MARCHF7: variants seen among roughly 807,000 people sequenced by gnomAD.
MARCHF7 encodes E3 ubiquitin-protein ligase MARCHF7.
A neutral mutation model predicts 76.5 loss-of-function variants in MARCHF7; 20 were observed. That is an observed-to-expected ratio of 0.26 (90% confidence interval 0.18 to 0.38). The LOEUF (loss-of-function observed/expected upper bound fraction) is 0.38. Among genes scored for constraint, MARCHF7 ranks in the 10% least tolerant of loss-of-function variants. MARCHF7 has a pLI of 1.00. For synonymous variants in MARCHF7, 295 were observed against 293.0 expected (o/e 1.01, Z -0.07); for missense variants, 797 against 812.9 (o/e 0.98, Z 0.24).
intron 4 of MARCHF7, among the ~76,000 whole-genome samples, chr2:159,739,056 G>A (rs1322871945): frequency 1.3e-5 from 2 of 152,194 alleles, no homozygotes; most frequent in Admixed American, 6.5e-5. Flanking sequence ...CACCTGGATC[G>A]TGACAGTGCC....
rs866701125 is a variant in MARCHF7 at position 159,767,669 on chromosome 2, T to C, written c.*327T>C. On this transcript the variant is annotated 3_prime_UTR_variant, in exon 12 of 12. Transcript: ENST00000409175. Reference sequence around the variant, plus strand: ...CAACCCTTTTTTGTGTTATGATTACTGTAGTCATATTTATGAAAAAAGGTT... The same window carrying C: ...CAACCCTTTTTTGTGTTATGATTACCGTAGTCATATTTATGAAAAAAGGTT... 20 of 172,342 alleles carry C rather than the reference T, an allele frequency of 1.2e-4. 1 individual carries two copies. The highest frequency in any genetic ancestry group is 8.8e-4 in the Admixed American group (14 of 15,866). The allele number at this position is 172,342 out of a possible 1,614,324, so 10.7% of individuals were successfully genotyped here. A position where few individuals can be genotyped will look rare whatever the true frequency, so the allele number is the denominator to read the frequency against.
At chr2:159,713,803 A>G (rs1359679247) in intron 1 of MARCHF7, among the ~76,000 whole-genome samples, 2 of 152,172 alleles carry the variant, frequency 1.3e-5, no homozygotes, top group Admixed American at 6.5e-5. Context: ...GATTTTTGCC[A>G]TAGTTATTTA....
At chr2:159,732,581 T>A (rs1251617191) in intron 4 of MARCHF7, among the ~76,000 whole-genome samples, 1 of 152,210 alleles carries the variant, frequency 6.6e-6, no homozygotes, top group Admixed American at 6.5e-5. Flanking sequence ...TGAGCAATCA[T>A]GACTCGGCGC....
In MARCHF7 at chr2:159,747,871, T is replaced by C. The variant is rs761848688; in HGVS notation, c.581T>C (p.Leu194Ser). The C allele has an allele frequency of 2.6e-5, 42 of 1,613,894 alleles. No homozygotes were observed. In the African/African-American group the frequency reaches 4.7e-4, roughly 18 times the overall value. Residue 194 changes from leucine (L) to serine (S), a missense_variant, in exon 7 of 12, where the codon TTA becomes TCA. Leu to Ser is a moderately radical substitution (Grantham distance 145). Coordinates refer to ENST00000409175, the MANE Select transcript of MARCHF7 (RefSeq NM_001282805.2). Reference sequence around the variant, plus strand: ...CCAAAAGAAAACTCAATGAGCACTTTACAGTTGAATACATCATCCACAAAC... The same window carrying C: ...CCAAAAGAAAACTCAATGAGCACTTCACAGTTGAATACATCATCCACAAAC... ...ARPKENSMST[L>S]QLNTSSTNHQ...
chr2:159,725,135 G>A (rs2125354486), intron 3 of MARCHF7, among the ~76,000 whole-genome samples: 1 of 152,278 alleles, frequency 6.6e-6, no homozygotes, highest in Non-Finnish European at 1.5e-5. Context: ...TAGTGCCACA[G>A]TAAACATACT....
chr2:159,759,242 T>A lies in MARCHF7; in HGVS notation c.1800T>A (p.Ala600=). 2 of 1,597,492 alleles carry A rather than the reference T, an allele frequency of 1.3e-6. No individual in the cohort carries two copies. Among genetic ancestry groups the A allele is most frequent in the Non-Finnish European group, 1.7e-6 (2 of 1,171,538 alleles). ...AKINSGSSLE[A]VTTCELCKEK... ...TTTTACCAGGTTCTTCATTAGAAGC[T>A]GTAACCACCTGTGAACTATGTAAAG... Residue 600 remains alanine (A), a synonymous_variant, in exon 9 of 12, where the codon GCT becomes GCA. Transcript: ENST00000409175.
At chr2:159,760,486 CT>C (rs1403022922) in intron 9 of MARCHF7, among the ~76,000 whole-genome samples, 1 of 152,154 alleles carries the variant, frequency 6.6e-6, no homozygotes, top group Non-Finnish European at 1.5e-5. Flanking sequence ...AAGAAAATCA[CT>C]TTCAGCAATG....
chr2:159,756,019 G>A (rs1706249572), intron 8 of MARCHF7, among the ~76,000 whole-genome samples: 1 of 152,192 alleles, frequency 6.6e-6, no homozygotes, highest in African/African-American at 2.4e-5. Flanking sequence ...CCTTTTCTCT[G>A]AGCTATATGG....
At position 159,748,541 on chromosome 2, in the gene MARCHF7, A is replaced by G; in HGVS notation, c.1251A>G (p.Thr417=). The G allele has an allele frequency of 9.9e-6, 16 of 1,614,202 alleles. No homozygotes were observed. The highest frequency in any genetic ancestry group is 1.4e-5 in the Non-Finnish European group (16 of 1,180,018). Reference sequence around the variant, plus strand: ...CTTCAAGGATACCTACCTCTGATACATCATCTAGATCTCATATTTTTAGAA... The same window carrying G: ...CTTCAAGGATACCTACCTCTGATACGTCATCTAGATCTCATATTTTTAGAA... ...DESSRIPTSD[T]SSRSHIFRRE... Residue 417 remains threonine, a synonymous_variant, in exon 7 of 12, where the codon ACA becomes ACG. Transcript: ENST00000409175.
chr2:159,745,268 T>C (rs1037546654), intron 5 of MARCHF7, among the ~76,000 whole-genome samples: 8 of 152,210 alleles, frequency 5.3e-5, no homozygotes, highest in Non-Finnish European at 1.2e-4. Context: ...GAGTAGGAAA[T>C]AATTTTATAA....
At chr2:159,730,886 ATTGT>A (rs1028204568) in intron 4 of MARCHF7, among the ~76,000 whole-genome samples, 1 of 150,958 alleles carries the variant, frequency 6.6e-6, no homozygotes, top group African/African-American at 2.4e-5. Flanking sequence ...ATTGTTTTTG[ATTGT>A]TTGTTTGTTT....
rs964654539 is a variant in MARCHF7, at chr2:159,768,402, C to T, written c.*1060C>T. 1 of 152,474 alleles carries T rather than the reference C, an allele frequency of 6.6e-6. No homozygotes were observed. Among genetic ancestry groups the T allele is most frequent in the African/African-American group, 2.4e-5 (1 of 41,398 alleles). 9.4% of individuals were successfully genotyped at this position (152,474 alleles called of 1,614,324 possible). On this transcript the variant is annotated 3_prime_UTR_variant, in exon 12 of 12. Transcript: ENST00000409175. Reference sequence around the variant, plus strand: ...CACTGTATTTTTCTTCTGTCAGTACCCTTAGGATACACTTTAAAACACCTT... The same window carrying T: ...CACTGTATTTTTCTTCTGTCAGTACTCTTAGGATACACTTTAAAACACCTT...
chr2:159,714,761 G>T (rs940623401), intron 2 of MARCHF7, among the ~76,000 whole-genome samples, 163 bp downstream of exon 2: 2 of 152,140 alleles, frequency 1.3e-5, no homozygotes, highest in African/African-American at 4.8e-5. Flanking sequence ...ATCTCTACGG[G>T]CATGGTGGTG....
At chr2:159,720,312 C>G (rs566201394) in intron 3 of MARCHF7, among the ~76,000 whole-genome samples, 1 of 152,380 alleles carries the variant, frequency 6.6e-6, no homozygotes, top group South Asian at 2.1e-4. Context: ...GCATGAGCCA[C>G]TGCACCCAGC....
chr2:159,764,255 T>TGTGTGTGC (rs10592175), intron 10 of MARCHF7, among the ~76,000 whole-genome samples: 55 of 131,472 alleles, frequency 4.2e-4, no homozygotes, highest in East Asian at 4.1e-3. Context: ...TGTGTGTGTG[T>TGTGTGTGC]GCGCGCGCCC....
rs1472048983 is a variant in MARCHF7 at position 159,769,488 on chromosome 2, C to A, written c.*2146C>A. ...CGAAACCCCGTCTCTACCAAAAATACAAAAAGTTAGCTGGGTGTGGTGACA... is the reference window on the plus strand; with the variant it reads ...CGAAACCCCGTCTCTACCAAAAATAAAAAAAGTTAGCTGGGTGTGGTGACA... On this transcript the variant is annotated 3_prime_UTR_variant, in exon 12 of 12. Transcript: ENST00000409175. 6.6e-6 allele frequency: 1 copy of A among 152,116 alleles called. No homozygotes were observed. The highest frequency in any genetic ancestry group is 2.4e-5 in the African/African-American group (1 of 41,418). 9.4% of individuals were successfully genotyped at this position (152,116 alleles called of 1,614,324 possible).
chr2:159,748,385 C>T lies in MARCHF7; in HGVS notation c.1095C>T (p.Ser365=), dbSNP rs376453549. 2.9e-5 allele frequency: 47 copies of T among 1,613,946 alleles called. No homozygotes were observed. The highest frequency in any genetic ancestry group is 3.6e-5 in the Non-Finnish European group (43 of 1,180,034). The change falls in exon 7 of 12, where the codon AGC becomes AGT. Residue 365 remains serine (S), a synonymous_variant. Transcript: ENST00000409175. ...TGTCATCTCTTAGCCACAATCATAG[C>T]TCTGAGTCAGATTCAGAAAATTTTA... is the stretch of plus-strand genomic sequence containing the variant. ...WGLSSLSHNH[S]SESDSENFNQ...
intron 8 of MARCHF7, among the ~76,000 whole-genome samples, chr2:159,757,934 T>C (rs1253656601): frequency 6.6e-6 from 1 of 152,240 alleles, no homozygotes; most frequent in Non-Finnish European, 1.5e-5. Context: ...TCAGCTGTTT[T>C]CTAGAAAATG....
chr2:159,747,688 AC>A (rs1252254514), intron 6 of MARCHF7, 116 bp from the exon 7 acceptor site: 1 of 918,302 alleles, frequency 1.1e-6, no homozygotes, highest in East Asian at 2.6e-5. Context: ...CTCTGTAGTT[AC>A]AATATAACAG....
Sources: allele counts gnomAD v4.1 joint callset (sites outside exome capture counted in the v4.1 genomes callset), GRCh38; gene constraint gnomAD v4.1.1; transcripts MANE v1.5; gene names NCBI Gene and HGNC (gene_info 2026-07-23, HGNC 2026-07-21).